The following MED15 variants were observed in gnomAD, a reference collection of about 807,000 sequenced individuals.
MED15 encodes mediator complex subunit 15, also known as mediator of RNA polymerase II transcription subunit 15.
MED15 carries 41 observed loss-of-function variants against 118.7 expected under a neutral mutation model. The observed-to-expected ratio is 0.35, with a 90% confidence interval of 0.27 to 0.45. MED15 has a LOEUF of 0.45. MED15 is among the 20% of genes least tolerant of loss of function. MED15 has a pLI of 1.00. For synonymous variants in MED15, 436 were observed against 413.9 expected (o/e 1.05, Z -0.65); for missense variants, 740 against 1,025.5 (o/e 0.72, Z 3.80).
chr22:20,585,434 G>T, intron 16 of MED15, 167 bp downstream of exon 16: 1 of 948,874 alleles, frequency 1.1e-6, no homozygotes, highest in South Asian at 1.7e-5. Flanking sequence ...AGACAGCCTG[G>T]CCATGCCTCA....
At chr22:20,549,379 C>T (rs762252440) in intron 2 of MED15, among the ~76,000 whole-genome samples, 2 of 151,742 alleles carry the variant, frequency 1.3e-5, no homozygotes, top group Non-Finnish European at 2.9e-5. Context: ...TTTCCTGACT[C>T]TTTAGCCCTT....
chr22:20,584,620 C>A, intron 14 of MED15, 195 bp downstream of exon 14: 1 of 810,084 alleles, frequency 1.2e-6, no homozygotes, highest in Non-Finnish European at 1.9e-6. Context: ...CTGTCTACGG[C>A]CCCCGTGGGT....
At position 20,583,200 on chromosome 22, in the gene MED15, A is replaced by T; in HGVS notation, c.1625A>T (p.Tyr542Phe). ...YLDKLKQLSK[Y>F]IEPLRRMINK... ...GACAAGCTGAAGCAGCTGTCGAAGTACATCGAGCCCCTGCGCCGCATGATC... is the reference window on the plus strand; with the variant it reads ...GACAAGCTGAAGCAGCTGTCGAAGTTCATCGAGCCCCTGCGCCGCATGATC... The change falls in exon 12 of 18, where the codon TAC becomes TTC. Residue 542 changes from tyrosine to phenylalanine, a missense_variant. By Grantham distance (22) the Tyr-to-Phe change is conservative (BLOSUM62 3). Coordinates refer to ENST00000263205, the MANE Select transcript of MED15 (RefSeq NM_001003891.3). The T allele has an allele frequency of 1.2e-6, 2 of 1,611,990 alleles. No homozygotes were observed. Among genetic ancestry groups the T allele is most frequent in the Non-Finnish European group, 1.7e-6 (2 of 1,179,200 alleles).
At chr22:20,577,877 G>A (rs1042123077) in intron 9 of MED15, among the ~76,000 whole-genome samples, 3 of 152,112 alleles carry the variant, frequency 2.0e-5, no homozygotes, top group Non-Finnish European at 4.4e-5. Context: ...GCACAGAACT[G>A]GGGCAAGGTT....
chr22:20,520,579 C>T (rs1017221374), intron 1 of MED15, among the ~76,000 whole-genome samples: 9 of 152,158 alleles, frequency 5.9e-5, no homozygotes, highest in African/African-American at 1.9e-4. Context: ...GAGGTATAAT[C>T]CCTATCACAG....
rs2056452764 is a variant in MED15 at position 20,566,650 on chromosome 22, C to T, written c.874C>T (p.Gln292Ter). The change falls in exon 7 of 18, where the codon CAG becomes TAG. Residue 292 changes from glutamine (Q) to a stop codon, truncating the protein, a stop_gained. Coordinates refer to ENST00000263205, the MANE Select transcript of MED15 (RefSeq NM_001003891.3). LOFTEE classifies it high-confidence loss of function. ...PSQALPQQLQ[Q>*]MHHTQHHQPP... ...CCAGGCTCTGCCCCAGCAGCTGCAG[C>T]AGATGCATCACACACAGCACCACCA... The T allele has an allele frequency of 6.2e-7, 1 of 1,614,052 alleles. No individual in the cohort carries two copies. The highest frequency in any genetic ancestry group is 8.5e-7 in the Non-Finnish European group (1 of 1,180,026).
In MED15 at chr22:20,583,264, G is replaced by T; in HGVS notation, c.1672+17G>T. On this transcript the variant is annotated intron_variant, in intron 12 of 17. Transcript: ENST00000263205. ...AGAACGAAGGTAGGCTGCAGCCAGG[G>T]CAGGGGCCTGCACCCTGGGGACACC... is the stretch of plus-strand genomic sequence containing the variant. The T allele has an allele frequency of 6.2e-7, 1 of 1,612,052 alleles. No homozygotes were observed. The highest frequency in any genetic ancestry group is 1.1e-5 in the South Asian group (1 of 91,058).
intron 2 of MED15, among the ~76,000 whole-genome samples, chr22:20,541,954 C>T (rs538118525): frequency 1.1e-4 from 16 of 152,038 alleles, no homozygotes; most frequent in Non-Finnish European, 1.6e-4. Flanking sequence ...AGCCAATGCC[C>T]GGCTAACTTT....
intron 9 of MED15, 103 bp downstream of exon 9, chr22:20,575,335 A>G (rs2056792058): frequency 5.8e-6 from 8 of 1,374,588 alleles, no homozygotes; most frequent in Non-Finnish European, 7.7e-6. Context: ...GACTTCTTTT[A>G]TGGTGGCTTT....
At chr22:20,517,540 C>T (rs138857427) in intron 1 of MED15, among the ~76,000 whole-genome samples, 115 of 152,320 alleles carry the variant, frequency 7.5e-4, no homozygotes, top group African/African-American at 2.2e-3. Context: ...GCCCCCACCC[C>T]GCTGCTCTTT....
intron 2 of MED15, among the ~76,000 whole-genome samples, chr22:20,550,336 C>T (rs906023481): frequency 6.6e-6 from 1 of 152,228 alleles, no homozygotes; most frequent in African/African-American, 2.4e-5. Context: ...CTTATCCCAG[C>T]TTTTCCTCTC....
intron 2 of MED15, among the ~76,000 whole-genome samples, chr22:20,541,160 A>T (rs2055288436): frequency 6.6e-6 from 1 of 152,112 alleles, no homozygotes; most frequent in African/African-American, 2.4e-5. Flanking sequence ...AATGGCGTGA[A>T]CCCGGGAGGT....
At chr22:20,513,454 T>A (rs2054148455) in intron 1 of MED15, among the ~76,000 whole-genome samples, 1 of 152,002 alleles carries the variant, frequency 6.6e-6, no homozygotes, top group Non-Finnish European at 1.5e-5. Flanking sequence ...AATTTTTGTA[T>A]TTTTAGTAGA....
chr22:20,508,867 C>T (rs1458431316), intron 1 of MED15, among the ~76,000 whole-genome samples: 1 of 152,118 alleles, frequency 6.6e-6, no homozygotes, highest in Non-Finnish European at 1.5e-5. Flanking sequence ...GTGTTGTGCT[C>T]GCCACAGATT....
chr22:20,577,936 T>A lies in MED15; in HGVS notation c.1272+2704T>A, dbSNP rs183926573. 1.4e-4 allele frequency among the ~76,000 whole-genome samples: 21 copies of A among 152,244 alleles called. No homozygotes were observed. The East Asian group carries it at 4.1e-3, about 29-fold the overall frequency. On this transcript the variant is annotated intron_variant, in intron 9 of 17. Coordinates refer to ENST00000263205, the MANE Select transcript of MED15 (RefSeq NM_001003891.3). ...TGTCATTGTTACTGTTTGTTTTTCT[T>A]TTTTTGAGACAGAGTCTCGCACTTG...
At chr22:20,553,253 A>C (rs1348659169) in intron 4 of MED15, 79 bp downstream of exon 4, 8 of 1,423,472 alleles carry the variant, frequency 5.6e-6, no homozygotes, top group Non-Finnish European at 7.9e-6. Context: ...TGCATGCCTC[A>C]TGTGCCTGGG....
intron 5 of MED15, among the ~76,000 whole-genome samples, chr22:20,562,678 C>T (rs563231752): frequency 1.3e-5 from 2 of 152,170 alleles, no homozygotes; most frequent in South Asian, 4.2e-4. Context: ...CACCGCGACC[C>T]GCCGGTCATA....
intron 9 of MED15, among the ~76,000 whole-genome samples, chr22:20,576,337 T>C (rs1292223336): frequency 6.6e-6 from 1 of 152,260 alleles, no homozygotes; most frequent in African/African-American, 2.4e-5. Flanking sequence ...GTGCAGGCAC[T>C]GCCACCACCC....
intron 6 of MED15, 34 bp downstream of exon 6, chr22:20,564,722 C>T (rs932989824): frequency 1.9e-6 from 3 of 1,613,072 alleles, no homozygotes; most frequent in Non-Finnish European, 1.7e-6. Flanking sequence ...CTTGGCCTCC[C>T]TCCTGCAGCG....
Sources: gnomAD v4.1 joint callset for allele counts (sites outside exome capture counted in the v4.1 genomes callset) on GRCh38, gnomAD v4.1.1 for gene constraint, MANE v1.5 for transcripts, NCBI Gene and HGNC (gene_info 2026-07-23, HGNC 2026-07-21) for gene names.